The following ZNF157 variants were observed in gnomAD, a reference collection of about 807,000 sequenced individuals.
The protein encoded by ZNF157 is zinc finger protein 157.
ZNF157 carries 8 observed loss-of-function variants against 9.4 expected under a neutral mutation model. The observed-to-expected ratio is 0.85, with a 90% CI of 0.50 to 1.53. The LOEUF (loss-of-function observed/expected upper bound fraction) is 1.53, where lower values mean the gene tolerates loss of function less well. Ranked by LOEUF, ZNF157 falls within the 40% of genes most tolerant of loss-of-function variation. The pLI, the probability that ZNF157 is intolerant of heterozygous loss-of-function variation, is 0.00. For synonymous variants in ZNF157, 120 were observed against 130.8 expected (o/e 0.92, Z 0.56); for missense variants, 316 against 385.2 (o/e 0.82, Z 1.50).
chrX:47,393,818 T>G (rs1427646784), intron 1 of ZNF157, among the ~76,000 whole-genome samples: 1 of 100,621 alleles, frequency 9.9e-6, no homozygotes, highest in East Asian at 3.3e-4. Flanking sequence ...CACTGACCAC[T>G]GGTGATCAAG....
At chrX:47,377,199 C>T (rs953406528) in intron 1 of ZNF157, among the ~76,000 whole-genome samples, 2 of 109,506 alleles carry the variant, frequency 1.8e-5, no homozygotes, top group Admixed American at 2.0e-4. Flanking sequence ...CCAATCAGCA[C>T]TCCCGGCTTA....
intron 1 of ZNF157, among the ~76,000 whole-genome samples, chrX:47,409,637 C>T (rs765828141): frequency 9.2e-6 from 1 of 108,212 alleles, no homozygotes; most frequent in Non-Finnish European, 1.9e-5. Flanking sequence ...GCCACCATGC[C>T]CAGCCAGCTT....
intron 1 of ZNF157, among the ~76,000 whole-genome samples, chrX:47,407,969 A>G (rs1266353634): frequency 8.9e-6 from 1 of 111,939 alleles, no homozygotes; most frequent in Non-Finnish European, 1.9e-5. Flanking sequence ...GAAATACCTG[A>G]GACTGGGTAA....
chrX:47,379,900 C>T (rs1381615547), intron 1 of ZNF157, among the ~76,000 whole-genome samples: 1 of 110,226 alleles, frequency 9.1e-6, no homozygotes, highest in Non-Finnish European at 1.9e-5. Context: ...TTTGCCTATT[C>T]TTTCACCAAT....
intron 1 of ZNF157, among the ~76,000 whole-genome samples, chrX:47,376,603 T>G (rs1345136580): frequency 9.1e-6 from 1 of 110,264 alleles, no homozygotes; most frequent in Admixed American, 9.8e-5. Context: ...GCAACAAGAG[T>G]GAAACTCCGT....
intron 1 of ZNF157, among the ~76,000 whole-genome samples, chrX:47,380,060 A>G (rs1034947725): frequency 1.8e-5 from 2 of 110,389 alleles, no homozygotes; most frequent in African/African-American, 3.3e-5. Context: ...GATAGCCACA[A>G]AATAATTTGG....
rs774195481 is a variant in ZNF157, at chrX:47,412,490, CAGGAAAGCCTTCCATG to C, written c.420_435del (p.Ala142GlnfsTer35). 4.2e-5 allele frequency: 51 copies of C among 1,209,942 alleles called. No individual in the cohort carries two copies. Among genetic ancestry groups the C allele is most frequent in the Non-Finnish European group, 5.6e-5 (50 of 894,925 alleles). ...ATCAAAATGTTGAATATAATGGATGCAGGAAAGCCTTCCATGAGAAAACAGGCTTTGTTAGACGTAA... is the reference window on the plus strand; with the variant it reads ...ATCAAAATGTTGAATATAATGGATGCAGAAAACAGGCTTTGTTAGACGTAA... On this transcript the variant is annotated frameshift_variant, in exon 4 of 4. Coordinates refer to ENST00000377073, the MANE Select transcript of ZNF157 (RefSeq NM_003446.4). LOFTEE classifies it low-confidence loss of function (END_TRUNC).
intron 1 of ZNF157, among the ~76,000 whole-genome samples, chrX:47,396,067 C>T (rs972678803): frequency 6.3e-5 from 7 of 111,004 alleles, no homozygotes; most frequent in African/African-American, 2.3e-4. Flanking sequence ...GATGTATATG[C>T]ATATATATTT....
intron 1 of ZNF157, among the ~76,000 whole-genome samples, chrX:47,394,813 GT>G (rs2055908446): frequency 1.8e-5 from 2 of 110,396 alleles, no homozygotes; most frequent in Non-Finnish European, 1.9e-5. Flanking sequence ...TGTTTTTTTT[GT>G]TTTGTTTTGT....
intron 1 of ZNF157, among the ~76,000 whole-genome samples, chrX:47,409,374 G>A (rs748350133): frequency 8.1e-5 from 9 of 111,559 alleles, no homozygotes; most frequent in Non-Finnish European, 1.5e-4. Context: ...TCTCTCTGTC[G>A]CCCAGGCTGG....
intron 2 of ZNF157, 99 bp downstream of exon 2, chrX:47,410,501 C>A: frequency 9.3e-7 from 1 of 1,070,301 alleles, no homozygotes; most frequent in Non-Finnish European, 1.3e-6. Flanking sequence ...TATTAAGAGT[C>A]ACAGATGAGT....
intron 1 of ZNF157, among the ~76,000 whole-genome samples, chrX:47,403,735 A>G (rs1258988083): frequency 8.9e-6 from 1 of 112,356 alleles, no homozygotes; most frequent in African/African-American, 3.2e-5. Flanking sequence ...CAGCACTGAG[A>G]TGATACAGAG....
chrX:47,404,918 G>A (rs1320175960), intron 1 of ZNF157, among the ~76,000 whole-genome samples: 2 of 110,903 alleles, frequency 1.8e-5, no homozygotes, highest in Non-Finnish European at 3.8e-5. Context: ...TTGACTTATG[G>A]TTCCACAGGC....
rs756099188 is a variant in ZNF157 at position 47,388,603 on chromosome X, C to A, written c.72+17863C>A. 3.3e-5 allele frequency: 4 copies of A among 119,711 alleles called. No individual in the cohort carries two copies. The South Asian group carries it at 1.2e-3, about 37-fold the overall frequency. 9.9% of individuals were successfully genotyped at this position (119,711 alleles called of 1,213,427 possible). A position where few individuals can be genotyped will look rare whatever the true frequency, so the allele number is the denominator to read the frequency against. ...AGTTGGTGGGATTACAGGTGTGAGCCACTGCATGCAGCAGTTCCTAATACT... is the reference window on the plus strand; with the variant it reads ...AGTTGGTGGGATTACAGGTGTGAGCAACTGCATGCAGCAGTTCCTAATACT... On this transcript the variant is annotated intron_variant, in intron 1 of 3. Coordinates refer to ENST00000377073, the MANE Select transcript of ZNF157 (RefSeq NM_003446.4).
chrX:47,412,107 C>G (rs966971216), intron 3 of ZNF157, among the ~76,000 whole-genome samples: 3 of 111,020 alleles, frequency 2.7e-5, no homozygotes, highest in Admixed American at 1.9e-4. Flanking sequence ...TACAGGCGGG[C>G]ACCATTATGG....
At chrX:47,380,531 T>C (rs111940324) in intron 1 of ZNF157, among the ~76,000 whole-genome samples, 3 of 110,523 alleles carry the variant, frequency 2.7e-5, no homozygotes, top group Non-Finnish European at 5.7e-5. Context: ...GAGGAGTTTT[T>C]CCCTTACCAG....
intron 1 of ZNF157, among the ~76,000 whole-genome samples, chrX:47,403,206 A>T (rs1228800259): frequency 1.8e-5 from 2 of 110,178 alleles, no homozygotes; most frequent in Non-Finnish European, 3.8e-5. Context: ...GAACCCAGGA[A>T]ACAGAGATTG....
At chrX:47,411,200 G>T (rs1466567173) in intron 3 of ZNF157, among the ~76,000 whole-genome samples, 1 of 110,568 alleles carries the variant, frequency 9.0e-6, no homozygotes, top group Non-Finnish European at 1.9e-5. Context: ...TGTTGGCCAG[G>T]TTGGTCACGA....
At chrX:47,374,397 CTTTT>C (rs749372735) in intron 1 of ZNF157, among the ~76,000 whole-genome samples, 5 of 85,432 alleles carry the variant, frequency 5.9e-5, no homozygotes, top group Admixed American at 2.6e-4. Flanking sequence ...AATAGACAAT[CTTTT>C]TTTTTTTTTT....
Sources: allele counts gnomAD v4.1 joint callset (sites outside exome capture counted in the v4.1 genomes callset), GRCh38; gene constraint gnomAD v4.1.1; transcripts MANE v1.5; gene names NCBI Gene and HGNC (gene_info 2026-07-23, HGNC 2026-07-21).